The following ANAPC4 variants were observed in gnomAD, a reference collection of about 807,000 sequenced individuals.
ANAPC4 encodes the protein anaphase-promoting complex subunit 4.
A neutral mutation model predicts 119.8 loss-of-function variants in ANAPC4; 63 were observed. The ratio of observed to expected loss-of-function variants is 0.53; its 90% confidence interval spans 0.43 to 0.65. The LOEUF (loss-of-function observed/expected upper bound fraction) is 0.65, where lower values mean the gene tolerates loss of function less well. Among genes scored for constraint, ANAPC4 ranks in the 30% least tolerant of loss-of-function variants. The pLI is 0.00. For synonymous variants in ANAPC4, 283 were observed against 318.6 expected, an observed-to-expected ratio of 0.89 and a Z score of 1.19; for missense variants, 716 against 945.1, an observed-to-expected ratio of 0.76 and a Z score of 3.18.
At chr4:25,403,184 C>T (rs1184431755) in intron 17 of ANAPC4, among the ~76,000 whole-genome samples, 158 bp downstream of exon 17, 1 of 152,088 alleles carries the variant, frequency 6.6e-6, no homozygotes, top group Non-Finnish European at 1.5e-5. Flanking sequence ...CAGCAGTTAT[C>T]AACACATGGG....
chr4:25,382,648 G>A (rs771490924), intron 3 of ANAPC4, among the ~76,000 whole-genome samples: 2 of 152,158 alleles, frequency 1.3e-5, no homozygotes, highest in Non-Finnish European at 2.9e-5. Context: ...GCTGGGATTG[G>A]TTCACATCTG....
chr4:25,405,196 A>G lies in ANAPC4; in HGVS notation c.1271-377A>G, dbSNP rs1451284778. ...AGGGAAATAAACAGATTTCTTTGGTATCATAAGGCTTTGGAGGAAAAAATG... is the reference window on the plus strand; with the variant it reads ...AGGGAAATAAACAGATTTCTTTGGTGTCATAAGGCTTTGGAGGAAAAAATG... On this transcript the variant is annotated intron_variant, in intron 17 of 28. Coordinates refer to ENST00000315368, the MANE Select transcript of ANAPC4 (RefSeq NM_013367.3). This position sits in a 1 kb window ranked among gnomAD's most constrained non-coding sequence, Gnocchi z 4.6. Among the ~76,000 whole-genome samples, 2 of 151,948 alleles carry G rather than the reference A, an allele frequency of 1.3e-5. No homozygotes were observed. The highest frequency in any genetic ancestry group is 3.9e-4 in the East Asian group (2 of 5,168).
intron 5 of ANAPC4, 57 bp downstream of exon 5, chr4:25,388,631 T>G (rs1722169795): frequency 6.4e-7 from 1 of 1,561,540 alleles, no homozygotes; most frequent in Non-Finnish European, 8.8e-7. Context: ...TCTTCTGCTT[T>G]TAACACTGTG....
At position 25,390,955 on chromosome 4, in the gene ANAPC4, A is replaced by G. The variant is rs768664753; in HGVS notation, c.645A>G (p.Lys215=). The change falls in exon 9 of 29, where the codon AAA becomes AAG. Residue 215 remains lysine, a synonymous_variant. Transcript: ENST00000315368. The stretch of plus-strand genomic sequence containing the variant: ...CATTATGTTTATCAAGTGATTTGAA[A>G]TCATTATCAGTGGTCACAGAAGTCT... ...CLALCLSSDL[K]SLSVVTEVST... The G allele has an allele frequency of 1.2e-5, 19 of 1,613,898 alleles. No individual in the cohort carries two copies. Among genetic ancestry groups the G allele is most frequent in the South Asian group, 9.9e-5 (9 of 91,056 alleles).
chr4:25,381,058 CTG>C (rs1721687222), intron 3 of ANAPC4, among the ~76,000 whole-genome samples: 1 of 152,160 alleles, frequency 6.6e-6, no homozygotes, highest in African/African-American at 2.4e-5. Flanking sequence ...CAATGACAGT[CTG>C]TATTGGAACT....
At chr4:25,406,762 G>T (rs1388547045) in intron 18 of ANAPC4, 67 bp from the exon 19 acceptor site, 1 of 1,177,000 alleles carries the variant, frequency 8.5e-7, no homozygotes, top group Non-Finnish European at 1.2e-6. Context: ...TTATAATTAT[G>T]TACCATTTCT....
At position 25,402,428 on chromosome 4, in the gene ANAPC4, G is replaced by C. The variant is rs1481523579; in HGVS notation, c.1215-543G>C. On this transcript the variant is annotated intron_variant, in intron 16 of 28. Transcript: ENST00000315368. ...TTCCATTTATAACACTTAATTTTGGGGGTACATTTGTGTAAAGCCAAGGGA... is the reference window on the plus strand; with the variant it reads ...TTCCATTTATAACACTTAATTTTGGCGGTACATTTGTGTAAAGCCAAGGGA... 2.3e-4 allele frequency among the ~76,000 whole-genome samples: 35 copies of C among 152,116 alleles called. 1 individual carries two copies. Among genetic ancestry groups the C allele is most frequent in the Admixed American group, 2.3e-3 (35 of 15,268 alleles).
intron 21 of ANAPC4, 59 bp downstream of exon 21, chr4:25,409,850 G>A: frequency 2.6e-6 from 3 of 1,176,176 alleles, no homozygotes; most frequent in Non-Finnish European, 3.8e-6. Flanking sequence ...ACTAGGTCTT[G>A]AATAGTTCTG....
At chr4:25,382,662 A>G (rs1393893635) in intron 3 of ANAPC4, among the ~76,000 whole-genome samples, 1 of 152,208 alleles carries the variant, frequency 6.6e-6, no homozygotes, top group East Asian at 1.9e-4. Flanking sequence ...ACATCTGGCA[A>G]AGTTGCATGT....
At chr4:25,384,799 CAA>C (rs149002549) in intron 4 of ANAPC4, among the ~76,000 whole-genome samples, 5 of 141,470 alleles carry the variant, frequency 3.5e-5, no homozygotes, top group African/African-American at 5.3e-5. Flanking sequence ...TGACCTGTCT[CAA>C]AAAAAAAAAA....
intron 21 of ANAPC4, among the ~76,000 whole-genome samples, chr4:25,411,318 G>A (rs564726779): frequency 6.6e-6 from 1 of 152,306 alleles, no homozygotes; most frequent in East Asian, 1.9e-4. Context: ...TTGATCCAGG[G>A]AACTTTGCCA....
intron 25 of ANAPC4, 34 bp from the exon 26 acceptor site, chr4:25,415,432 C>T: frequency 2.6e-6 from 4 of 1,546,000 alleles, no homozygotes; most frequent in Non-Finnish European, 3.6e-6. Flanking sequence ...GGTTGTTCCA[C>T]AGAGTCTCTT....
At chr4:25,387,848 C>G (rs1424329110) in intron 4 of ANAPC4, among the ~76,000 whole-genome samples, 1 of 152,090 alleles carries the variant, frequency 6.6e-6, no homozygotes, top group Non-Finnish European at 1.5e-5. Context: ...AACTAAATCA[C>G]ATAGTAGGCC....
chr4:25,393,640 C>T (rs1283095163), intron 10 of ANAPC4, among the ~76,000 whole-genome samples, 165 bp from the exon 11 acceptor site: 3 of 152,004 alleles, frequency 2.0e-5, no homozygotes, highest in African/African-American at 7.3e-5. Context: ...CCAGCCTGGA[C>T]GACAGAGCAA....
At chr4:25,385,601 G>T (rs1162768541) in intron 4 of ANAPC4, among the ~76,000 whole-genome samples, 1 of 151,942 alleles carries the variant, frequency 6.6e-6, no homozygotes, top group East Asian at 1.9e-4. Flanking sequence ...TATTTTTTTT[G>T]TATTTACTGG....
Position 25,418,417 on chromosome 4 carries a change from C to A in ANAPC4, c.*35C>A. The A allele has an allele frequency of 6.3e-7, 1 of 1,577,000 alleles. No homozygotes were observed. Among genetic ancestry groups the A allele is most frequent in the Non-Finnish European group, 8.7e-7 (1 of 1,148,676 alleles). ...CCATTATTGTGTGTGTAATTATGGCCAAAAGGACATAGGAGATGGACTAAG... is the reference window on the plus strand; with the variant it reads ...CCATTATTGTGTGTGTAATTATGGCAAAAAGGACATAGGAGATGGACTAAG... On this transcript the variant is annotated 3_prime_UTR_variant, in exon 29 of 29. Transcript: ENST00000315368.
rs1159652335 is a variant in ANAPC4 at position 25,386,695 on chromosome 4, A to G, written c.369-1805A>G. Among the ~76,000 whole-genome samples the G allele has an allele frequency of 2.0e-5, 3 of 152,296 alleles. No homozygotes were observed. In the South Asian group the frequency reaches 6.2e-4, roughly 32 times the overall value. On this transcript the variant is annotated intron_variant, in intron 4 of 28. Coordinates refer to ENST00000315368, the MANE Select transcript of ANAPC4 (RefSeq NM_013367.3). ...TGAGCACATGGCTGCTGGAAAAAGGACTCCAATAGACTTGCTTGGCTGATA... is the reference window on the plus strand; with the variant it reads ...TGAGCACATGGCTGCTGGAAAAAGGGCTCCAATAGACTTGCTTGGCTGATA...
At chr4:25,380,308 T>C in intron 2 of ANAPC4, 66 bp from the exon 3 acceptor site, 2 of 1,311,972 alleles carry the variant, frequency 1.5e-6, no homozygotes, top group South Asian at 1.3e-5. Flanking sequence ...TTAGTAGGGA[T>C]CTAGGTTTAT....
At position 25,377,669 on chromosome 4, in the gene ANAPC4, C is replaced by T. The variant is rs559788971; in HGVS notation, c.129+113C>T. On this transcript the variant is annotated intron_variant, in intron 2 of 28. Coordinates refer to ENST00000315368, the MANE Select transcript of ANAPC4 (RefSeq NM_013367.3). Reference sequence around the variant, plus strand: ...CAGGCGGCCGGAGCCTCAGTTTCCCCTTCTGCAGACATGGCTGGCCACCTG... The same window carrying T: ...CAGGCGGCCGGAGCCTCAGTTTCCCTTTCTGCAGACATGGCTGGCCACCTG... 1.4e-4 allele frequency: 205 copies of T among 1,450,096 alleles called. No homozygotes were observed. The African/African-American group carries it at 2.6e-3, about 19-fold the overall frequency. 89.8% of individuals were successfully genotyped at this position (1,450,096 alleles called of 1,614,324 possible). A position where few individuals can be genotyped will look rare whatever the true frequency, so the allele number is the denominator to read the frequency against.
Sources: allele counts gnomAD v4.1 joint callset (sites outside exome capture counted in the v4.1 genomes callset), GRCh38; gene constraint gnomAD v4.1.1; non-coding constraint Gnocchi (gnomAD v3.1); transcripts MANE v1.5; gene names NCBI Gene and HGNC (gene_info 2026-07-23, HGNC 2026-07-21).